Variants in AGBL4 observed in about 807,000 individuals in gnomAD.
AGBL4 encodes cytosolic carboxypeptidase 6.
A neutral mutation model predicts 66.4 loss-of-function variants in AGBL4; 58 were observed. That is an observed-to-expected ratio of 0.87 (90% CI 0.71 to 1.09). AGBL4 has a LOEUF of 1.09. Among genes scored for constraint, AGBL4 ranks in the 50% least tolerant of loss-of-function variants. AGBL4 has a pLI of 0.00. For synonymous variants in AGBL4, 234 were observed against 222.9 expected (o/e 1.05, Z -0.44); for missense variants, 579 against 631.0 (o/e 0.92, Z 0.88).
chr1:49,238,938 C>A (rs1216815102), intron 4 of AGBL4, among the ~76,000 whole-genome samples: 1 of 152,156 alleles, frequency 6.6e-6, no homozygotes, highest in Admixed American at 6.5e-5. Flanking sequence ...AAGTAGTCTT[C>A]CCTCTTTTCT....
intron 5 of AGBL4, among the ~76,000 whole-genome samples, chr1:48,910,433 C>T (rs766957541): frequency 2.0e-5 from 3 of 152,096 alleles, no homozygotes; most frequent in Admixed American, 2.0e-4. Context: ...GGTAGATTCA[C>T]TAACAGTTAT....
intron 3 of AGBL4, among the ~76,000 whole-genome samples, chr1:49,545,444 A>T (rs1225102488): frequency 6.6e-6 from 1 of 152,220 alleles, no homozygotes; most frequent in Non-Finnish European, 1.5e-5. Flanking sequence ...AGACTATAAG[A>T]GATCCTGAAG....
chr1:49,079,248 A>G (rs566258731), intron 4 of AGBL4, among the ~76,000 whole-genome samples: 37 of 152,300 alleles, frequency 2.4e-4, no homozygotes, highest in African/African-American at 7.5e-4. Context: ...TTAAAGTCCT[A>G]CTCAAGGATG....
chr1:49,613,908 A>C (rs930638334), intron 3 of AGBL4, among the ~76,000 whole-genome samples: 24 of 152,152 alleles, frequency 1.6e-4, no homozygotes, highest in African/African-American at 5.6e-4. Context: ...TGCTGTCCTA[A>C]ACCTAAAAGT....
chr1:49,395,774 T>TAC (rs1214883308), intron 3 of AGBL4, among the ~76,000 whole-genome samples: 1 of 141,990 alleles, frequency 7.0e-6, no homozygotes, highest in Admixed American at 7.2e-5. Context: ...CACATATATA[T>TAC]ACATGTGTAT....
At chr1:49,875,135 TTTA>T (rs201671928) in intron 1 of AGBL4, among the ~76,000 whole-genome samples, 7,261 of 148,818 alleles carry the variant, frequency 0.049, 286 homozygotes, top group East Asian at 0.15. Flanking sequence ...TTTCTTTTTT[TTTA>T]TTATTACTAT....
chr1:48,761,949 GA>G (rs1241121436), intron 6 of AGBL4, among the ~76,000 whole-genome samples: 2 of 152,178 alleles, frequency 1.3e-5, no homozygotes, highest in Non-Finnish European at 2.9e-5. Context: ...GGGATGTAAG[GA>G]AGGGCAGGGG....
At position 49,134,486 on chromosome 1, in the gene AGBL4, C is replaced by CT. The variant is rs1175715372; in HGVS notation, c.378-88687_378-88686insA. 5.1e-5 allele frequency among the ~76,000 whole-genome samples: 5 copies of CT among 97,792 alleles called. No homozygotes were observed. In the Admixed American group the frequency reaches 6.7e-4, roughly 13 times the overall value. The allele number at this position is 97,792 out of a possible 152,430, so 64.2% of individuals were successfully genotyped here. A position where few individuals can be genotyped will look rare whatever the true frequency, so the allele number is the denominator to read the frequency against. ...AGCCATTTTGGAGGGCCCCCCCCCC[C>CT]CCACCCCAGGAATGCATTCTTTTCC... On this transcript the variant is annotated intron_variant, in intron 4 of 13. Transcript: ENST00000371839.
chr1:49,832,769 G>A (rs1265911823), intron 2 of AGBL4, among the ~76,000 whole-genome samples: 1 of 152,152 alleles, frequency 6.6e-6, no homozygotes, highest in African/African-American at 2.4e-5. Context: ...ATTTTTTCAT[G>A]TGTTTTTTGG....
chr1:49,101,010 T>C (rs1645190807), intron 4 of AGBL4, among the ~76,000 whole-genome samples: 1 of 152,028 alleles, frequency 6.6e-6, no homozygotes, highest in Non-Finnish European at 1.5e-5. Flanking sequence ...GACAACTCAA[T>C]GAGCCTGGGT....
At chr1:49,316,203 T>A (rs1483244655) in intron 3 of AGBL4, among the ~76,000 whole-genome samples, 1 of 152,014 alleles carries the variant, frequency 6.6e-6, no homozygotes, top group East Asian at 1.9e-4. Flanking sequence ...TATGTTATCA[T>A]ACATTTGTTA....
rs531412271 is a variant in AGBL4 at position 48,579,649 on chromosome 1, G to A, written c.1267+7355C>T. On this transcript the variant is annotated intron_variant, in intron 11 of 13. Coordinates refer to ENST00000371839, the MANE Select transcript of AGBL4 (RefSeq NM_032785.4). ...AATCCGGCCAGGCATGGTGGCTCAC[G>A]CCTGTAATCCCAGCACTTTGGGAGG... Among the ~76,000 whole-genome samples, 11 of 150,252 alleles carry A rather than the reference G, an allele frequency of 7.3e-5. No homozygotes were observed. In the East Asian group the frequency reaches 2.0e-3, roughly 27 times the overall value.
intron 2 of AGBL4, among the ~76,000 whole-genome samples, chr1:49,836,941 TC>T (rs1645866525): frequency 6.6e-6 from 1 of 152,156 alleles, no homozygotes. Context: ...GCTTGCTCTT[TC>T]CTCAGGAAGC....
At chr1:49,289,691 A>C (rs1644497429) in intron 3 of AGBL4, among the ~76,000 whole-genome samples, 1 of 152,200 alleles carries the variant, frequency 6.6e-6, no homozygotes, top group Non-Finnish European at 1.5e-5. Flanking sequence ...TACAACATTT[A>C]AAAACATGTA....
chr1:49,369,167 G>A (rs993020753), intron 3 of AGBL4, among the ~76,000 whole-genome samples: 1 of 152,108 alleles, frequency 6.6e-6, no homozygotes, highest in African/African-American at 2.4e-5. Flanking sequence ...GCACACAAAG[G>A]TTTGCTGAAG....
At chr1:48,779,704 C>CA (rs1334548908) in intron 6 of AGBL4, among the ~76,000 whole-genome samples, 1 of 137,182 alleles carries the variant, frequency 7.3e-6, no homozygotes, top group African/African-American at 2.8e-5. Flanking sequence ...CTGTTCCTCT[C>CA]TTTTTTTTTT....
intron 5 of AGBL4, among the ~76,000 whole-genome samples, chr1:48,971,934 G>T (rs1427334962): frequency 1.3e-5 from 2 of 152,116 alleles, no homozygotes; most frequent in African/African-American, 2.4e-5. Flanking sequence ...AACCTAAAAG[G>T]CAGGGATAGC....
At chr1:49,690,723 A>G (rs1232467360) in intron 3 of AGBL4, among the ~76,000 whole-genome samples, 1 of 152,158 alleles carries the variant, frequency 6.6e-6, no homozygotes, top group African/African-American at 2.4e-5. Flanking sequence ...AGCAAATGAG[A>G]ACCTGTGTTA....
chr1:48,770,643 A>G (rs2148691000), intron 6 of AGBL4, among the ~76,000 whole-genome samples: 1 of 152,212 alleles, frequency 6.6e-6, no homozygotes, highest in South Asian at 2.1e-4. Context: ...CTCTCCTGAC[A>G]TATCCACCCA....
Sources: gnomAD v4.1 joint callset for allele counts (sites outside exome capture counted in the v4.1 genomes callset) on GRCh38, gnomAD v4.1.1 for gene constraint, MANE v1.5 for transcripts, NCBI Gene and HGNC (gene_info 2026-07-23, HGNC 2026-07-21) for gene names.